The following PTCHD4 variants were observed in gnomAD, a reference collection of about 807,000 sequenced individuals.
PTCHD4 encodes patched domain-containing protein 4.
Under a neutral mutation model 58.1 loss-of-function variants are expected in PTCHD4, and 33 were observed. The ratio of observed to expected loss-of-function variants is 0.57; its 90% CI spans 0.43 to 0.76. The LOEUF (loss-of-function observed/expected upper bound fraction) is 0.76. PTCHD4 is among the 30% of genes least tolerant of loss of function. PTCHD4 has a pLI of 0.00. For synonymous variants in PTCHD4, 478 were observed against 409.6 expected, an observed-to-expected ratio of 1.17 and a Z score of -2.02; for missense variants, 1,058 against 1,027.1, an observed-to-expected ratio of 1.03 and a Z score of -0.41.
chr6:48,057,781 G>C (rs1764464902), intron 3 of PTCHD4, among the ~76,000 whole-genome samples: 1 of 152,214 alleles, frequency 6.6e-6, no homozygotes, highest in Non-Finnish European at 1.5e-5. Context: ...GCTGAGCTAA[G>C]GGAAGTTCTC....
intron 3 of PTCHD4, among the ~76,000 whole-genome samples, chr6:48,036,465 G>T (rs531391063): frequency 6.6e-6 from 1 of 152,246 alleles, no homozygotes; most frequent in Admixed American, 6.5e-5. Context: ...CTCCTGAGTA[G>T]TGTGATGAAA....
chr6:48,067,769 C>T (rs2113878491), intron 3 of PTCHD4, among the ~76,000 whole-genome samples: 1 of 152,238 alleles, frequency 6.6e-6, no homozygotes. Context: ...TTTATTAACC[C>T]TGAACAAAGA....
At chr6:48,080,708 G>A (rs1006810986) in intron 1 of PTCHD4, among the ~76,000 whole-genome samples, 2 of 152,198 alleles carry the variant, frequency 1.3e-5, no homozygotes, top group Non-Finnish European at 2.9e-5. Context: ...AAGTATAAAT[G>A]TCACTAAGGA....
At chr6:48,076,925 G>A (rs1167170255) in intron 1 of PTCHD4, among the ~76,000 whole-genome samples, 3 of 152,148 alleles carry the variant, frequency 2.0e-5, no homozygotes, top group East Asian at 1.9e-4. Context: ...ATTGCCCAAC[G>A]CTCAGCTATT....
intron 4 of PTCHD4, among the ~76,000 whole-genome samples, chr6:47,958,618 A>T (rs1311362771): frequency 6.6e-6 from 1 of 152,230 alleles, no homozygotes; most frequent in Non-Finnish European, 1.5e-5. Context: ...GAGCTCACAG[A>T]ATAGAATACT....
chr6:47,962,840 A>C (rs1424948207), intron 4 of PTCHD4, among the ~76,000 whole-genome samples: 2 of 152,090 alleles, frequency 1.3e-5, no homozygotes, highest in Non-Finnish European at 2.9e-5. Context: ...AAAAAAAAAA[A>C]AAACAAGGTA....
At chr6:48,072,264 C>T (rs1764990294) in intron 1 of PTCHD4, among the ~76,000 whole-genome samples, 1 of 152,150 alleles carries the variant, frequency 6.6e-6, no homozygotes, top group African/African-American at 2.4e-5. Flanking sequence ...TTCATCCAGC[C>T]AGTCTTTTAT....
chr6:48,047,522 A>T (rs913693503), intron 3 of PTCHD4, among the ~76,000 whole-genome samples: 9 of 151,802 alleles, frequency 5.9e-5, no homozygotes, highest in Non-Finnish European at 1.2e-4. Flanking sequence ...AGCATTGTAA[A>T]TTCTCATGAG....
intron 4 of PTCHD4, among the ~76,000 whole-genome samples, chr6:47,891,557 C>T (rs1764382332): frequency 6.6e-6 from 1 of 152,174 alleles, no homozygotes; most frequent in Non-Finnish European, 1.5e-5. Context: ...TACCCTTACT[C>T]TAGTATTTTC....
At chr6:48,072,802 C>T (rs1014797314) in intron 1 of PTCHD4, among the ~76,000 whole-genome samples, 9 of 152,094 alleles carry the variant, frequency 5.9e-5, no homozygotes, top group African/African-American at 2.2e-4. Context: ...ATTGTAGCCC[C>T]TTTCCCTTGT....
chr6:47,909,684 C>T (rs1765007157), intron 4 of PTCHD4, among the ~76,000 whole-genome samples: 1 of 152,046 alleles, frequency 6.6e-6, no homozygotes, highest in Non-Finnish European at 1.5e-5. Flanking sequence ...TTCAAGTGAT[C>T]CTTCTGCCTT....
intron 1 of PTCHD4, among the ~76,000 whole-genome samples, chr6:48,077,276 C>T (rs1765078620): frequency 6.6e-6 from 1 of 152,212 alleles, no homozygotes; most frequent in Non-Finnish European, 1.5e-5. Context: ...GACATATCTG[C>T]TCCTTATAAG....
Position 47,957,883 on chromosome 6 carries a change from C to A in PTCHD4, c.898+50751G>T, listed in dbSNP as rs145860588. Among the ~76,000 whole-genome samples, 3 of 152,012 alleles carry A rather than the reference C, an allele frequency of 2.0e-5. No homozygotes were observed. The South Asian group carries it at 6.2e-4, about 32-fold the overall frequency. ...CCTCCCAAAGTGCTGGGATTACAGG[C>A]GTGAGCCACCGCGCCCGGCCATAAG... On this transcript the variant is annotated intron_variant, in intron 4 of 4. Coordinates refer to ENST00000339488, the MANE Select transcript of PTCHD4 (RefSeq NM_001384253.1).
chr6:48,000,084 C>T (rs1768660695), intron 4 of PTCHD4, among the ~76,000 whole-genome samples: 1 of 152,124 alleles, frequency 6.6e-6, no homozygotes, highest in African/African-American at 2.4e-5. Context: ...CTTTTGCCTG[C>T]ATGGCCTTGA....
At chr6:47,968,069 C>A (rs906955680) in intron 4 of PTCHD4, among the ~76,000 whole-genome samples, 1 of 152,154 alleles carries the variant, frequency 6.6e-6, no homozygotes, top group African/African-American at 2.4e-5. Flanking sequence ...TTGTTTCTTA[C>A]TAAGCTTAGT....
At position 48,068,511 on chromosome 6, in the gene PTCHD4, G is replaced by A; in HGVS notation, c.136C>T (p.Pro46Ser). Residue 46 changes from proline to serine, a missense_variant, in exon 3 of 5, where the codon CCC becomes TCC. Physicochemically the swap from Pro to Ser is moderately conservative, Grantham distance 74. Transcript: ENST00000339488. The surrounding 1 kb of genome is among the most constrained non-coding windows in gnomAD (Gnocchi z 4.2). ...SRHPVFFLTV[P>S]AVLTITFGLS... ...CCGAAGGTGATTGTCAGGACTGCGGGCACGGTGAGGAAAAAGACCGGGTGC... is the reference window on the plus strand; with the variant it reads ...CCGAAGGTGATTGTCAGGACTGCGGACACGGTGAGGAAAAAGACCGGGTGC... The A allele has an allele frequency of 1.9e-6, 3 of 1,612,788 alleles. No homozygotes were observed. Among genetic ancestry groups the A allele is most frequent in the Non-Finnish European group, 2.5e-6 (3 of 1,179,782 alleles).
intron 3 of PTCHD4, among the ~76,000 whole-genome samples, chr6:48,031,605 G>A (rs1359019851): frequency 1.3e-5 from 2 of 152,090 alleles, no homozygotes; most frequent in Non-Finnish European, 2.9e-5. Context: ...AGAAGCCGTG[G>A]GGGGAATCCA....
chr6:48,073,015 T>C (rs1430795365), intron 1 of PTCHD4, among the ~76,000 whole-genome samples: 2 of 152,134 alleles, frequency 1.3e-5, no homozygotes, highest in South Asian at 2.1e-4. Context: ...AGTTATATGA[T>C]AAAAAGAAGG....
intron 1 of PTCHD4, among the ~76,000 whole-genome samples, chr6:48,073,532 A>G (rs1765012351): frequency 6.6e-6 from 1 of 152,228 alleles, no homozygotes; most frequent in African/African-American, 2.4e-5. Context: ...CCATTCTAAC[A>G]TGCTAAGCCT....
Sources: allele counts gnomAD v4.1 joint callset (sites outside exome capture counted in the v4.1 genomes callset), GRCh38; gene constraint gnomAD v4.1.1; non-coding constraint Gnocchi (gnomAD v3.1); transcripts MANE v1.5; gene names NCBI Gene and HGNC (gene_info 2026-07-23, HGNC 2026-07-21).